IQSEC1: variants seen among roughly 807,000 people sequenced by gnomAD.
The protein encoded by IQSEC1 is IQ motif and Sec7 domain ArfGEF 1, also known as IQ motif and SEC7 domain-containing protein 1.
A neutral mutation model predicts 91.0 loss-of-function variants in IQSEC1; 31 were observed. The observed-to-expected ratio is 0.34, with a 90% CI of 0.26 to 0.46. The LOEUF (loss-of-function observed/expected upper bound fraction) is 0.46. Ranked by LOEUF, IQSEC1 falls within the 20% of genes least tolerant of loss-of-function variation. The pLI, the probability that IQSEC1 is intolerant of heterozygous loss-of-function variation, is 1.00. For missense variants in IQSEC1, 1,388 were observed against 1,575.6 expected, an observed-to-expected ratio of 0.88 and a Z score of 2.02; for synonymous variants, 699 against 662.6, an observed-to-expected ratio of 1.05 and a Z score of -0.84.
chr3:13,177,591 G>T (rs892105535), intron 1 of IQSEC1, among the ~76,000 whole-genome samples: 1 of 152,274 alleles, frequency 6.6e-6, no homozygotes, highest in Non-Finnish European at 1.5e-5. Flanking sequence ...GTGGACAGAG[G>T]TGTCTGGGTC....
At chr3:13,108,875 G>C (rs1706195804) in intron 2 of IQSEC1, among the ~76,000 whole-genome samples, 1 of 152,252 alleles carries the variant, frequency 6.6e-6, no homozygotes, top group Non-Finnish European at 1.5e-5. Flanking sequence ...CTGGAGATGG[G>C]GTAGGGGGAC....
rs904833018 is a variant in IQSEC1 at position 13,214,060 on chromosome 3, CCT to C, written c.273-49929_273-49928del. Among the ~76,000 whole-genome samples, 2 of 152,184 alleles carry C rather than the reference CCT, an allele frequency of 1.3e-5. No individual in the cohort carries two copies. Among genetic ancestry groups the C allele is most frequent in the Non-Finnish European group, 2.9e-5 (2 of 68,030 alleles). ...GCTCCTTCCTCTGATAGGCCTGTCCCCTGTGTCCCTGTCCACTGTGCTCTGTC... is the reference window on the plus strand; with the variant it reads ...GCTCCTTCCTCTGATAGGCCTGTCCCGTGTCCCTGTCCACTGTGCTCTGTC... On this transcript the variant is annotated intron_variant, in intron 1 of 15. Transcript: ENST00000648114. This position sits in a 1 kb window ranked among gnomAD's most constrained non-coding sequence, Gnocchi z 4.5.
intron 1 of IQSEC1, among the ~76,000 whole-genome samples, chr3:13,182,117 G>A (rs1425437954): frequency 1.3e-5 from 2 of 152,236 alleles, no homozygotes; most frequent in Non-Finnish European, 2.9e-5. Flanking sequence ...CTACCTTTCA[G>A]AGATTTTGTA....
intron 2 of IQSEC1, among the ~76,000 whole-genome samples, chr3:13,120,790 T>C (rs182913422): frequency 6.6e-6 from 1 of 152,232 alleles, no homozygotes; most frequent in East Asian, 1.9e-4. Context: ...TCCTTCACCA[T>C]GACAGAGAGG....
At chr3:13,037,848 C>A (rs1704093851) in intron 1 of IQSEC1, among the ~76,000 whole-genome samples, 1 of 151,630 alleles carries the variant, frequency 6.6e-6, no homozygotes, top group African/African-American at 2.4e-5. Context: ...ATGGTGGCTG[C>A]TGGGGGTGAA....
chr3:12,969,234 T>G (rs868853441), intron 1 of IQSEC1, among the ~76,000 whole-genome samples: 1 of 152,100 alleles, frequency 6.6e-6, no homozygotes, highest in Non-Finnish European at 1.5e-5. Flanking sequence ...TCAAAAATAA[T>G]AAGGCAAATA....
At chr3:13,225,702 A>T (rs1303881694) in intron 1 of IQSEC1, among the ~76,000 whole-genome samples, 2 of 152,202 alleles carry the variant, frequency 1.3e-5, no homozygotes, top group East Asian at 3.8e-4. Context: ...GATCACTTCT[A>T]AGGACTCTGA....
chr3:13,071,479 C>A (rs62232910), intron 1 of IQSEC1, among the ~76,000 whole-genome samples: 16,441 of 152,166 alleles, frequency 0.11, 1,235 homozygotes, highest in East Asian at 0.28. Context: ...GCTCCTGGGC[C>A]CAGGCAAAGG....
In IQSEC1 at chr3:12,908,279, T is replaced by G; in HGVS notation, c.2755+70A>C. 6.5e-7 allele frequency: 1 copy of G among 1,532,580 alleles called. No homozygotes were observed. The highest frequency in any genetic ancestry group is 1.7e-5 in the Admixed American group (1 of 57,288). 94.9% of individuals were successfully genotyped at this position (1,532,580 alleles called of 1,614,324 possible). On this transcript the variant is annotated intron_variant, in intron 12 of 13. Coordinates refer to ENST00000613206, the MANE Select transcript of IQSEC1 (RefSeq NM_001134382.3). The surrounding 1 kb of genome is among the most constrained non-coding windows in gnomAD (Gnocchi z 4.9). ...GCCCTGCCCCGCGTGATGCATGCCC[T>G]GAATGCAGACGCCCTGCCTCGGTCT...
chr3:13,081,719 CA>C (rs763503863), intron 2 of IQSEC1, among the ~76,000 whole-genome samples: 5 of 152,252 alleles, frequency 3.3e-5, no homozygotes, highest in African/African-American at 4.8e-5. Context: ...TGGGATTCTG[CA>C]GGGACCAGTG....
rs76422571 is a variant in IQSEC1 at position 12,978,763 on chromosome 3, A to C, written c.24-36898T>G. Among the ~76,000 whole-genome samples, 1,032 of 152,278 alleles carry C rather than the reference A, an allele frequency of 6.8e-3. 16 individuals carry two copies. The highest frequency in any genetic ancestry group is 0.023 in the African/African-American group (975 of 41,562). On this transcript the variant is annotated intron_variant, in intron 1 of 13. Coordinates refer to ENST00000613206, the MANE Select transcript of IQSEC1 (RefSeq NM_001134382.3). ...TGCACAACAGTAAGCCACTAAAGCC[A>C]CTAAATGCAGTAATAGGAGCAACCT...
chr3:13,150,128 G>A (rs1228501026), intron 2 of IQSEC1, among the ~76,000 whole-genome samples: 3 of 152,158 alleles, frequency 2.0e-5, no homozygotes, highest in East Asian at 3.8e-4. Flanking sequence ...TTAGAGACAC[G>A]AGTGAAAAAT....
intron 2 of IQSEC1, among the ~76,000 whole-genome samples, chr3:13,149,477 G>A (rs927741597): frequency 7.7e-4 from 118 of 152,262 alleles, no homozygotes; most frequent in African/African-American, 2.8e-3. Context: ...TTCCCCCGAA[G>A]AGCAGAGTCT....
chr3:13,023,911 T>G (rs1220383861), intron 1 of IQSEC1, among the ~76,000 whole-genome samples: 5 of 152,154 alleles, frequency 3.3e-5, no homozygotes, highest in Non-Finnish European at 7.3e-5. Context: ...GCCCAGCCTC[T>G]TCTTGAACAC....
intron 1 of IQSEC1, among the ~76,000 whole-genome samples, chr3:13,015,051 G>A (rs993507311): frequency 6.6e-6 from 1 of 152,196 alleles, no homozygotes; most frequent in Non-Finnish European, 1.5e-5. Flanking sequence ...TGCACCATAG[G>A]GTTGAGGGGG....
In IQSEC1 at chr3:13,180,912, A is replaced by G. The variant is rs532245061; in HGVS notation, c.273-16779T>C. On this transcript the variant is annotated intron_variant, in intron 1 of 15. Coordinates refer to the IQSEC1 transcript ENST00000648114. ...ACCTTTAAGACCTGTAACACTCACCACGAGGGTCCGCGGCTTCATTCTTGA... is the reference window on the plus strand; with the variant it reads ...ACCTTTAAGACCTGTAACACTCACCGCGAGGGTCCGCGGCTTCATTCTTGA... Among the ~76,000 whole-genome samples the G allele has an allele frequency of 7.9e-5, 12 of 152,210 alleles. No homozygotes were observed. The East Asian group carries it at 1.4e-3, about 17-fold the overall frequency.
At chr3:13,155,311 AT>A (rs1272646002) in intron 2 of IQSEC1, among the ~76,000 whole-genome samples, 1 of 152,226 alleles carries the variant, frequency 6.6e-6, no homozygotes, top group African/African-American at 2.4e-5. Flanking sequence ...TTTATTACTG[AT>A]TTTGTAGAAA....
intron 2 of IQSEC1, among the ~76,000 whole-genome samples, chr3:13,116,981 A>G (rs1157939645): frequency 6.6e-6 from 1 of 152,006 alleles, no homozygotes; most frequent in Non-Finnish European, 1.5e-5. Flanking sequence ...AAATGGATAA[A>G]TTGGGCTTCA....
chr3:13,012,731 C>T (rs1000311005), intron 1 of IQSEC1, among the ~76,000 whole-genome samples: 1 of 152,186 alleles, frequency 6.6e-6, no homozygotes, highest in African/African-American at 2.4e-5. Context: ...AGTCCAAATC[C>T]ATATATGAAC....
Sources: allele counts gnomAD v4.1 joint callset (sites outside exome capture counted in the v4.1 genomes callset), GRCh38; gene constraint gnomAD v4.1.1; non-coding constraint Gnocchi (gnomAD v3.1); transcripts MANE v1.5; gene names NCBI Gene and HGNC (gene_info 2026-07-23, HGNC 2026-07-21).